BACH2: variants seen among roughly 807,000 people sequenced by gnomAD.
BACH2 encodes the protein transcription regulator protein BACH2.
Under a neutral mutation model 61.8 loss-of-function variants are expected in BACH2, and 5 were observed. That is an observed-to-expected ratio of 0.08 (90% CI 0.04 to 0.17). The LOEUF (loss-of-function observed/expected upper bound fraction) is 0.17, where lower values mean the gene tolerates loss of function less well. Ranked by LOEUF, BACH2 falls within the 10% of genes least tolerant of loss-of-function variation. BACH2 has a pLI of 1.00. For synonymous variants in BACH2, 446 were observed against 440.1 expected (o/e 1.01, Z -0.17); for missense variants, 824 against 1,091.1 (o/e 0.76, Z 3.45).
At chr6:89,976,923 C>A (rs1184257713) in intron 6 of BACH2, among the ~76,000 whole-genome samples, 1 of 152,218 alleles carries the variant, frequency 6.6e-6, no homozygotes, top group Non-Finnish European at 1.5e-5. Flanking sequence ...TACTACTTCA[C>A]CAGAAAAAGG....
At chr6:90,125,539 A>T (rs898418739) in intron 4 of BACH2, among the ~76,000 whole-genome samples, 1 of 152,152 alleles carries the variant, frequency 6.6e-6, no homozygotes, top group African/African-American at 2.4e-5. Context: ...ATCCTCTCCA[A>T]ACGTTCACAT....
chr6:90,069,928 C>T (rs1170658249), intron 5 of BACH2, among the ~76,000 whole-genome samples: 1 of 152,108 alleles, frequency 6.6e-6, no homozygotes, highest in African/African-American at 2.4e-5. Flanking sequence ...TAAAAGAGAA[C>T]CTTCGGAGAA....
chr6:90,247,980 G>C (rs904068115), intron 3 of BACH2, among the ~76,000 whole-genome samples: 1 of 152,176 alleles, frequency 6.6e-6, no homozygotes, highest in Non-Finnish European at 1.5e-5. Flanking sequence ...TCACATTCAA[G>C]TGTCTTCTAG....
At chr6:89,939,472 T>C (rs975232990) in intron 7 of BACH2, among the ~76,000 whole-genome samples, 1 of 152,144 alleles carries the variant, frequency 6.6e-6, no homozygotes, top group African/African-American at 2.4e-5. Context: ...TCATTAAGTT[T>C]TGGGGTGATT....
chr6:89,989,884 T>A (rs1776448957), intron 6 of BACH2, among the ~76,000 whole-genome samples: 1 of 152,176 alleles, frequency 6.6e-6, no homozygotes, highest in African/African-American at 2.4e-5. Context: ...AGCCTGCTCT[T>A]GAGGAACGAA....
At chr6:90,237,968 T>A (rs181486423) in intron 3 of BACH2, among the ~76,000 whole-genome samples, 10 of 152,376 alleles carry the variant, frequency 6.6e-5, no homozygotes, top group Non-Finnish European at 7.3e-5. Context: ...GAAATCAATG[T>A]GTGTGCAATC....
chr6:90,249,982 CAG>C (rs1770754937), intron 3 of BACH2, among the ~76,000 whole-genome samples: 1 of 152,172 alleles, frequency 6.6e-6, no homozygotes, highest in African/African-American at 2.4e-5. Flanking sequence ...TCCCCACCCA[CAG>C]AGTTTTGGCC....
At chr6:90,135,534 C>T (rs937784880) in intron 4 of BACH2, among the ~76,000 whole-genome samples, 1 of 152,078 alleles carries the variant, frequency 6.6e-6, no homozygotes, top group African/African-American at 2.4e-5. Flanking sequence ...GGCAACAGGG[C>T]AAAACCCTGT....
At chr6:90,223,957 C>T (rs1358216761) in intron 3 of BACH2, among the ~76,000 whole-genome samples, 1 of 152,216 alleles carries the variant, frequency 6.6e-6, no homozygotes, top group African/African-American at 2.4e-5. Context: ...TACTTACTAT[C>T]TGAAACTGAG....
At chr6:90,188,930 T>TTA (rs1454468277) in intron 4 of BACH2, among the ~76,000 whole-genome samples, 1 of 152,126 alleles carries the variant, frequency 6.6e-6, no homozygotes, top group Non-Finnish European at 1.5e-5. Flanking sequence ...TAATAGTGAA[T>TTA]TATACATAGC....
chr6:90,055,864 C>A (rs113496214), intron 5 of BACH2, among the ~76,000 whole-genome samples: 45 of 152,192 alleles, frequency 3.0e-4, no homozygotes, highest in African/African-American at 9.9e-4. Context: ...TCATATCCAG[C>A]CAAACTAAGC....
At chr6:90,137,491 A>G (rs1784309603) in intron 4 of BACH2, among the ~76,000 whole-genome samples, 1 of 152,198 alleles carries the variant, frequency 6.6e-6, no homozygotes, top group South Asian at 2.1e-4. Flanking sequence ...GGATCTAACT[A>G]GTTTCTCCGT....
In BACH2 at chr6:89,932,526, G is replaced by T; in HGVS notation, c.2408C>A (p.Thr803Asn). Residue 803 changes from threonine (T) to asparagine (N), a missense_variant, in exon 9 of 9, where the codon ACC becomes AAC. Thr to Asn is a moderately conservative substitution (Grantham distance 65). Transcript: ENST00000257749. ...AAGAGGAGGTCCTCTCTCTGAGAAG[G>T]TTCCCGGGTCAGTGCCTTCTAGTCT... ...GRRLEGTDPG[T>N]FSERGPPLEP... 2.5e-6 allele frequency: 4 copies of T among 1,614,076 alleles called. No homozygotes were observed. The highest frequency in any genetic ancestry group is 3.4e-6 in the Non-Finnish European group (4 of 1,180,018).
chr6:90,098,848 C>G (rs1344149355), intron 4 of BACH2, among the ~76,000 whole-genome samples: 1 of 152,156 alleles, frequency 6.6e-6, no homozygotes, highest in African/African-American at 2.4e-5. Context: ...TCTGGTCCAA[C>G]TGACTGTCAA....
chr6:90,123,038 C>T (rs185570338), intron 4 of BACH2, among the ~76,000 whole-genome samples: 4 of 152,282 alleles, frequency 2.6e-5, no homozygotes, highest in Non-Finnish European at 4.4e-5. Flanking sequence ...TACAGGTGTC[C>T]TAACTTCTAG....
In BACH2 at chr6:90,060,160, CA is replaced by C. The variant is rs1185310492; in HGVS notation, c.-13+28800del. On this transcript the variant is annotated intron_variant, in intron 5 of 8. Transcript: ENST00000257749. ...AAAAAAAACAAAGAAAACAAACAAACAAAAAACACAAAAGATAAAACTCTTC... is the reference window on the plus strand; with the variant it reads ...AAAAAAAACAAAGAAAACAAACAAACAAAAACACAAAAGATAAAACTCTTC... Among the ~76,000 whole-genome samples, 4 of 149,998 alleles carry C rather than the reference CA, an allele frequency of 2.7e-5. No individual in the cohort carries two copies. The East Asian group carries it at 7.8e-4, about 29-fold the overall frequency.
At chr6:90,131,864 A>T (rs923362199) in intron 4 of BACH2, among the ~76,000 whole-genome samples, 3 of 152,198 alleles carry the variant, frequency 2.0e-5, no homozygotes, top group African/African-American at 7.2e-5. Context: ...CACAACTAAA[A>T]AATTAAGCTC....
chr6:90,123,025 C>T (rs1007453640), intron 4 of BACH2, among the ~76,000 whole-genome samples: 1 of 152,186 alleles, frequency 6.6e-6, no homozygotes, highest in African/African-American at 2.4e-5. Context: ...AGGTCCCCAA[C>T]AATACAGGTG....
At chr6:90,052,480 C>T (rs1780095211) in intron 5 of BACH2, among the ~76,000 whole-genome samples, 1 of 152,114 alleles carries the variant, frequency 6.6e-6, no homozygotes, top group South Asian at 2.1e-4. Context: ...AGTTCAGTGG[C>T]ATGATCTTGG....
Sources: allele counts gnomAD v4.1 joint callset (sites outside exome capture counted in the v4.1 genomes callset), GRCh38; gene constraint gnomAD v4.1.1; transcripts MANE v1.5; gene names NCBI Gene and HGNC (gene_info 2026-07-23, HGNC 2026-07-21).